Variants in TRANK1 observed in about 807,000 individuals in gnomAD.
TRANK1 encodes TPR and ankyrin repeat-containing protein 1.
Under a neutral mutation model 266.0 loss-of-function variants are expected in TRANK1, and 198 were observed. That is an observed-to-expected ratio of 0.74 (90% CI 0.66 to 0.84). The LOEUF (loss-of-function observed/expected upper bound fraction) is 0.84, where lower values mean the gene tolerates loss of function less well. TRANK1 is among the 40% of genes least tolerant of loss of function. TRANK1 has a pLI of 0.00. For missense variants in TRANK1, 3,326 were observed against 3,634.6 expected (o/e 0.92, Z 2.18); for synonymous variants, 1,396 against 1,384.1 (o/e 1.01, Z -0.19).
At chr3:36,889,408 A>T (rs976797682) in intron 8 of TRANK1, among the ~76,000 whole-genome samples, 3 of 152,192 alleles carry the variant, frequency 2.0e-5, no homozygotes, top group African/African-American at 7.2e-5. Context: ...AGGTATGGGA[A>T]GATGCAATCC....
rs2078715697 is a variant in TRANK1 at position 36,832,831 on chromosome 3, T to G, written c.6752A>C (p.Lys2251Thr). 3 of 1,613,974 alleles carry G rather than the reference T, an allele frequency of 1.9e-6. No individual in the cohort carries two copies. In the East Asian group the frequency reaches 6.7e-5, roughly 36 times the overall value. ...TGTAGACAAAATATAATCAATTTCT[T>G]TAAGTTCTTCTGCTAAGATTTTAGG... ...VFPKILAEEL[K>T]EIDYILSTDM... is the part of the protein sequence containing the mutation. Residue 2251 changes from lysine to threonine, a missense_variant, in exon 22 of 24, where the codon AAA becomes ACA. Transcript: ENST00000645898.
At chr3:36,922,740 C>T (rs898439097) in intron 1 of TRANK1, among the ~76,000 whole-genome samples, 1 of 151,492 alleles carries the variant, frequency 6.6e-6, no homozygotes, top group Non-Finnish European at 1.5e-5. Flanking sequence ...CACACCACTG[C>T]ACTCCAGCCT....
At chr3:36,896,407 A>C (rs939493218) in intron 4 of TRANK1, among the ~76,000 whole-genome samples, 22 of 152,236 alleles carry the variant, frequency 1.4e-4, no homozygotes, top group African/African-American at 5.3e-4. Context: ...TATTAATTTC[A>C]AAAAATAAGT....
At chr3:36,859,611 G>A (rs1445298883) in intron 11 of TRANK1, among the ~76,000 whole-genome samples, 2 of 152,068 alleles carry the variant, frequency 1.3e-5, no homozygotes, top group Non-Finnish European at 2.9e-5. Flanking sequence ...AGTCCACACA[G>A]CTCCTCTGCA....
chr3:36,895,390 A>G (rs958894941), intron 5 of TRANK1, among the ~76,000 whole-genome samples: 6 of 152,238 alleles, frequency 3.9e-5, no homozygotes, highest in Non-Finnish European at 8.8e-5. Context: ...TACCATTAGC[A>G]TCTGTACTTT....
chr3:36,879,117 C>T (rs2079434669), intron 8 of TRANK1, among the ~76,000 whole-genome samples: 1 of 151,382 alleles, frequency 6.6e-6, no homozygotes, highest in South Asian at 2.1e-4. Context: ...ATATTAGAAA[C>T]ATGGGCTTAC....
intron 1 of TRANK1, among the ~76,000 whole-genome samples, chr3:36,931,291 G>T (rs779868154): frequency 4.6e-5 from 7 of 152,064 alleles, no homozygotes; most frequent in Non-Finnish European, 1.0e-4. Context: ...AATGAAGACA[G>T]TTCTGTATAT....
intron 9 of TRANK1, among the ~76,000 whole-genome samples, chr3:36,867,933 T>C (rs919276754): frequency 1.2e-4 from 18 of 152,204 alleles, no homozygotes; most frequent in African/African-American, 3.9e-4. Context: ...TTTCTCTAAG[T>C]ACTCAGGTTT....
At position 36,831,389 on chromosome 3, in the gene TRANK1, G is replaced by A. The variant is rs777823208; in HGVS notation, c.8194C>T (p.Leu2732=). The change falls in exon 22 of 24, where the codon CTG becomes TTG. Residue 2732 remains leucine, a synonymous_variant. Transcript: ENST00000645898. The surrounding 1 kb of genome is among the most constrained non-coding windows in gnomAD (Gnocchi z 5.0). The part of the protein sequence containing the change: ...KLRRACLVVS[L]CISWRRRVGT... ...ACTCTTCTCCTCCAACTGATGCACA[G>A]AGACACCACCAGGCATGCCCTCCTC... 6 of 1,613,104 alleles carry A rather than the reference G, an allele frequency of 3.7e-6. No homozygotes were observed. The highest frequency in any genetic ancestry group is 2.7e-5 in the African/African-American group (2 of 74,890).
At chr3:36,909,636 G>A (rs948173786) in intron 1 of TRANK1, among the ~76,000 whole-genome samples, 42 of 152,146 alleles carry the variant, frequency 2.8e-4, no homozygotes, top group African/African-American at 1.0e-3. Flanking sequence ...ACAATTCTTG[G>A]AGAGACAGTA....
At chr3:36,842,056 CT>C (rs2125521033) in intron 18 of TRANK1, among the ~76,000 whole-genome samples, 1 of 152,322 alleles carries the variant, frequency 6.6e-6, no homozygotes, top group Admixed American at 6.5e-5. Context: ...CAACATGGCT[CT>C]TTAACCTGGT....
At chr3:36,922,518 T>A (rs2125650998) in intron 1 of TRANK1, among the ~76,000 whole-genome samples, 1 of 152,066 alleles carries the variant, frequency 6.6e-6, no homozygotes, top group African/African-American at 2.4e-5. Flanking sequence ...GGCAGGAGAA[T>A]CACTTGAAAC....
Position 36,831,009 on chromosome 3 carries a change from G to A in TRANK1, c.8574C>T (p.Asp2858=). 6.2e-7 allele frequency: 1 copy of A among 1,614,028 alleles called. No homozygotes were observed. The highest frequency in any genetic ancestry group is 8.5e-7 in the Non-Finnish European group (1 of 1,179,894). ...AIDEGKLVVQ[D]IEQSVWIHSH... ...TGTGGATCCATACACTTTGCTCGAT[G>A]TCCTGCACCACCAGCTTGCCTTCAT... The change falls in exon 22 of 24, where the codon GAC becomes GAT. Residue 2858 remains aspartate (D), a synonymous_variant. Coordinates refer to ENST00000645898, the MANE Select transcript of TRANK1 (RefSeq NM_001329998.2). This position sits in a 1 kb window ranked among gnomAD's most constrained non-coding sequence, Gnocchi z 5.0.
intron 8 of TRANK1, among the ~76,000 whole-genome samples, chr3:36,885,801 T>A (rs1014689723): frequency 6.6e-6 from 1 of 151,820 alleles, no homozygotes. Context: ...TGGCCTCCCA[T>A]AGTGCTGGGA....
upstream of TRANK1, chr3:36,945,062 C>T (rs999897673): frequency 6.8e-6 from 3 of 439,306 alleles, no homozygotes; most frequent in Non-Finnish European, 1.2e-5. Flanking sequence ...TCCAAGTTTC[C>T]ACGTAGTTGC....
chr3:36,846,072 T>C (rs929536814), intron 17 of TRANK1, among the ~76,000 whole-genome samples, 176 bp downstream of exon 17: 2 of 152,184 alleles, frequency 1.3e-5, no homozygotes, highest in Non-Finnish European at 2.9e-5. Flanking sequence ...CCAATCCCAC[T>C]ACAGCTACAC....
chr3:36,858,275 G>A (rs147165069), intron 12 of TRANK1, among the ~76,000 whole-genome samples: 3 of 152,180 alleles, frequency 2.0e-5, no homozygotes, highest in Admixed American at 1.3e-4. Context: ...ACAGCTAGGG[G>A]AGTGTCACTG....
At chr3:36,848,990 A>G (rs1277145399) in intron 15 of TRANK1, among the ~76,000 whole-genome samples, 1 of 152,180 alleles carries the variant, frequency 6.6e-6, no homozygotes, top group Non-Finnish European at 1.5e-5. Flanking sequence ...TTTTATTTCC[A>G]AGGTGGGGCC....
chr3:36,942,874 T>TA (rs5847945), intron 1 of TRANK1, among the ~76,000 whole-genome samples: 32,817 of 140,266 alleles, frequency 0.23, 3,886 homozygotes, highest in East Asian at 0.43. Flanking sequence ...TGACCCGCTT[T>TA]AAAAAAAAAA....
Sources: gnomAD v4.1 joint callset for allele counts (sites outside exome capture counted in the v4.1 genomes callset) on GRCh38, gnomAD v4.1.1 for gene constraint, Gnocchi (gnomAD v3.1) non-coding constraint, MANE v1.5 for transcripts, NCBI Gene and HGNC (gene_info 2026-07-23, HGNC 2026-07-21) for gene names.